ZFAT: variants seen among roughly 807,000 people sequenced by gnomAD.
The protein encoded by ZFAT is zinc finger and AT-hook domain containing.
ZFAT carries 64 observed loss-of-function variants against 117.7 expected under a neutral mutation model. That is an observed-to-expected ratio of 0.54 (90% CI 0.44 to 0.67). The LOEUF (loss-of-function observed/expected upper bound fraction) is 0.67, where lower values mean the gene tolerates loss of function less well. Among genes scored for constraint, ZFAT ranks in the 30% least tolerant of loss-of-function variants. ZFAT has a pLI of 0.00. For missense variants in ZFAT, 1,433 were observed against 1,584.5 expected, an observed-to-expected ratio of 0.90 and a Z score of 1.62; for synonymous variants, 679 against 615.0, an observed-to-expected ratio of 1.10 and a Z score of -1.54.
intron 11 of ZFAT, 99 bp downstream of exon 11, chr8:134,565,234 A>C: frequency 6.3e-7 from 1 of 1,580,728 alleles, no homozygotes; most frequent in East Asian, 2.3e-5. Context: ...AGCGAAGGTA[A>C]AACCAACAAA....
chr8:134,623,261 T>C (rs1829261237), intron 3 of ZFAT, among the ~76,000 whole-genome samples: 1 of 152,156 alleles, frequency 6.6e-6, no homozygotes, highest in African/African-American at 2.4e-5. Flanking sequence ...CCTCAACCCA[T>C]CCGCTTCCTC....
chr8:134,511,411 G>A (rs940054573), intron 14 of ZFAT, among the ~76,000 whole-genome samples: 21 of 152,186 alleles, frequency 1.4e-4, no homozygotes, highest in Admixed American at 3.9e-4. Context: ...CGACTCTCCC[G>A]TCTGCAGAAG....
rs201408504 is a variant in ZFAT, at chr8:134,678,343, T to C, written c.20-20606A>G. Reference sequence around the variant, plus strand: ...ATCATGAGTGAACTCCCATTCACAATTGCTACAAAGAGAATAAAATACCTA... The same window carrying C: ...ATCATGAGTGAACTCCCATTCACAACTGCTACAAAGAGAATAAAATACCTA... On this transcript the variant is annotated intron_variant, in intron 1 of 15. Coordinates refer to ENST00000377838, the MANE Select transcript of ZFAT (RefSeq NM_020863.4). Among the ~76,000 whole-genome samples, 8 of 152,242 alleles carry C rather than the reference T, an allele frequency of 5.3e-5. No homozygotes were observed. In the South Asian group the frequency reaches 1.2e-3, roughly 24 times the overall value.
At chr8:134,514,628 CT>C (rs1160806775) in intron 13 of ZFAT, among the ~76,000 whole-genome samples, 4 of 152,088 alleles carry the variant, frequency 2.6e-5, no homozygotes, top group Admixed American at 2.6e-4. Context: ...TAAAAAATGG[CT>C]CAAGGGCAAG....
rs573325282 is a variant in ZFAT, at chr8:134,626,268, C to T, written c.448+11193G>A. Among the ~76,000 whole-genome samples the T allele has an allele frequency of 7.9e-5, 12 of 152,206 alleles. No homozygotes were observed. The East Asian group carries it at 1.9e-3, about 25-fold the overall frequency. On this transcript the variant is annotated intron_variant, in intron 3 of 15. Coordinates refer to ENST00000377838, the MANE Select transcript of ZFAT (RefSeq NM_020863.4). ...TCTGAAGCAGGGGAGCGTGGAGAAT[C>T]GGAGGACCACCCAATCAGCAGCAGC...
chr8:134,754,709 G>C, the ZFAT span, among the ~76,000 whole-genome samples: 5 of 152,244 alleles, frequency 3.3e-5, no homozygotes, highest in African/African-American at 1.2e-4. Flanking sequence ...AGAGCCACCT[G>C]TCACCAACCC....
In ZFAT at chr8:134,625,810, C is replaced by A. The variant is rs543348630; in HGVS notation, c.448+11651G>T. On this transcript the variant is annotated intron_variant, in intron 3 of 15. Coordinates refer to ENST00000377838, the MANE Select transcript of ZFAT (RefSeq NM_020863.4). ...GCTGCTGGGCACGAGCCGTGAGCCA[C>A]GTGTTCAGTACTTCTCCGGTCTCAG... Among the ~76,000 whole-genome samples the A allele has an allele frequency of 5.6e-5, 8 of 141,818 alleles. No homozygotes were observed. The East Asian group carries it at 1.5e-3, about 27-fold the overall frequency. 93.0% of individuals were successfully genotyped at this position (141,818 alleles called of 152,430 possible).
chr8:134,537,606 G>T (rs147170003), intron 11 of ZFAT, among the ~76,000 whole-genome samples: 183 of 152,310 alleles, frequency 1.2e-3, no homozygotes, highest in African/African-American at 3.7e-3. Flanking sequence ...GGAGCCCCTG[G>T]TAGGTGTCAG....
intron 1 of ZFAT, among the ~76,000 whole-genome samples, chr8:134,664,136 C>A (rs538430509): frequency 2.6e-5 from 4 of 152,162 alleles, no homozygotes; most frequent in East Asian, 1.9e-4. Flanking sequence ...CTCTACCCCC[C>A]ACTCCACCCC....
intron 11 of ZFAT, among the ~76,000 whole-genome samples, chr8:134,546,188 A>C (rs1267617392): frequency 1.3e-5 from 2 of 152,248 alleles, no homozygotes; most frequent in Non-Finnish European, 2.9e-5. Flanking sequence ...TATAGTAGGA[A>C]TTTCTCTCTA....
At chr8:134,713,451 C>T (rs1038174528), upstream of ZFAT, among the ~76,000 whole-genome samples, 2 of 152,214 alleles carry the variant, frequency 1.3e-5, no homozygotes, top group African/African-American at 2.4e-5. Flanking sequence ...CGGGGTGCTC[C>T]CAACCTGCAT....
At chr8:134,668,208 G>A (rs1403590960) in intron 1 of ZFAT, among the ~76,000 whole-genome samples, 1 of 152,230 alleles carries the variant, frequency 6.6e-6, no homozygotes, top group African/African-American at 2.4e-5. Context: ...AAAAGCAGCA[G>A]AAACCTCTGC....
the ZFAT span, among the ~76,000 whole-genome samples, chr8:134,760,769 T>C: frequency 2.0e-5 from 3 of 152,218 alleles, no homozygotes; most frequent in African/African-American, 7.2e-5. Context: ...AAAAGCAGTC[T>C]AATTGGTGAA....
At chr8:134,704,933 G>T (rs1834108306) in intron 1 of ZFAT, among the ~76,000 whole-genome samples, 1 of 151,074 alleles carries the variant, frequency 6.6e-6, no homozygotes. Flanking sequence ...ATTTTCTTTG[G>T]ACCTTAAAGT....
At chr8:134,738,806 G>A in the ZFAT span, among the ~76,000 whole-genome samples, 1 of 152,190 alleles carries the variant, frequency 6.6e-6, no homozygotes, top group East Asian at 1.9e-4. Context: ...GGCCCAGGGG[G>A]AGAGCCAAGC....
intron 15 of ZFAT, among the ~76,000 whole-genome samples, chr8:134,482,529 C>T (rs551280739): frequency 6.6e-6 from 1 of 152,308 alleles, no homozygotes; most frequent in South Asian, 2.1e-4. Flanking sequence ...AGAAGTATGC[C>T]TCTCTCATTA....
the ZFAT span, among the ~76,000 whole-genome samples, chr8:134,826,584 T>G: frequency 1.1e-3 from 162 of 152,310 alleles, no homozygotes; most frequent in African/African-American, 3.7e-3. Context: ...AGAAACAGAT[T>G]TGTTTTTAAA....
At chr8:134,767,212 A>G in the ZFAT span, 4 of 152,358 alleles carry the variant, frequency 2.6e-5, no homozygotes, top group African/African-American at 9.6e-5. Context: ...GTTGGGTTCT[A>G]TACACATCCA....
chr8:134,626,063 C>T (rs1829475365), intron 3 of ZFAT, among the ~76,000 whole-genome samples: 1 of 152,198 alleles, frequency 6.6e-6, no homozygotes, highest in African/African-American at 2.4e-5. Context: ...GTCTTCCTTT[C>T]ACAGTTCTGC....
Sources: allele counts gnomAD v4.1 joint callset (sites outside exome capture counted in the v4.1 genomes callset), GRCh38; gene constraint gnomAD v4.1.1; transcripts MANE v1.5; gene names NCBI Gene and HGNC (gene_info 2026-07-23, HGNC 2026-07-21).